POLR1D: variants seen among roughly 807,000 people sequenced by gnomAD.
POLR1D encodes the protein RNA polymerase I and III subunit D, also known as DNA-directed RNA polymerases I and III subunit RPAC2.
POLR1D carries 8 observed loss-of-function variants against 10.8 expected under a neutral mutation model. The ratio of observed to expected loss-of-function variants is 0.74; its 90% confidence interval spans 0.43 to 1.33. POLR1D has a LOEUF of 1.33. Among genes scored for constraint, POLR1D ranks in the 40% most tolerant of loss-of-function variants. The probability of loss-of-function intolerance (pLI) is 0.01; values close to 1 mark genes in which losing one functional copy is unlikely to be tolerated. For missense variants in POLR1D, 152 were observed against 161.7 expected (o/e 0.94, Z 0.32); for synonymous variants, 54 against 57.2 (o/e 0.94, Z 0.25).
downstream of POLR1D, among the ~76,000 whole-genome samples, chr13:27,624,099 C>T (rs187741697): frequency 2.7e-4 from 41 of 152,234 alleles, no homozygotes; most frequent in Admixed American, 1.8e-3. Context: ...ATATCCCACC[C>T]GCCAGTGCTC....
At chr13:27,631,696 G>A (rs1956074923) in intron 1 of POLR1D, among the ~76,000 whole-genome samples, 1 of 152,050 alleles carries the variant, frequency 6.6e-6, no homozygotes, top group Admixed American at 6.5e-5. Flanking sequence ...TGGCGGCAAG[G>A]GCTTTGTCCT....
chr13:27,627,448 G>A (rs193157305), downstream of POLR1D, among the ~76,000 whole-genome samples: 3 of 152,198 alleles, frequency 2.0e-5, no homozygotes, highest in East Asian at 5.8e-4. Context: ...TTTTGGAGAA[G>A]GCAGACAAGA....
chr13:27,637,933 AT>A lies in POLR1D; in HGVS notation c.27-10436del, dbSNP rs201213808. ...AGCATGTGCCACCACACTGGCATAA[AT>A]TTTTTTTTTGTATAGTATATTTTTG... is the stretch of plus-strand genomic sequence containing the variant. On this transcript the variant is annotated intron_variant, in intron 1 of 2. Coordinates refer to the POLR1D transcript ENST00000399697. 2.2e-3 allele frequency among the ~76,000 whole-genome samples: 335 copies of A among 150,800 alleles called. 1 individual carries two copies. The highest frequency in any genetic ancestry group is 0.017 in the East Asian group (88 of 5,164).
At chr13:27,661,399 A>G (rs1411174922) in intron 2 of POLR1D, among the ~76,000 whole-genome samples, 2 of 152,202 alleles carry the variant, frequency 1.3e-5, no homozygotes, top group Non-Finnish European at 2.9e-5. Flanking sequence ...ACAAAAATAA[A>G]CTAAATATAA....
At chr13:27,637,250 C>G (rs1031702894) in intron 1 of POLR1D, among the ~76,000 whole-genome samples, 2 of 152,140 alleles carry the variant, frequency 1.3e-5, no homozygotes, top group African/African-American at 4.8e-5. Context: ...GGGTTTTTCT[C>G]CATACTATAG....
At chr13:27,622,152 G>T (rs938971036) in intron 1 of POLR1D, 143 bp downstream of exon 1, 1 of 729,816 alleles carries the variant, frequency 1.4e-6, no homozygotes, top group Non-Finnish European at 2.4e-6. Flanking sequence ...GAGGAGACAT[G>T]AATGTGTTTC....
Position 27,622,956 on chromosome 13 carries a change from T to TGTC in POLR1D, c.108_109insGTC (p.Asp36_Arg37insVal). 6.2e-7 allele frequency: 1 copy of TGTC among 1,613,776 alleles called. No individual in the cohort carries two copies. The highest frequency in any genetic ancestry group is 1.1e-5 in the South Asian group (1 of 91,078). On this transcript the variant is annotated inframe_insertion, in exon 2 of 2. Coordinates refer to ENST00000302979, the MANE Select transcript of POLR1D (RefSeq NM_015972.4). The stretch of plus-strand genomic sequence containing the variant: ...AAATGGTCCAGGCAGCTGGAACAGA[T>TGTC]AGACACTGTGTGACATTTGTATTGC...
chr13:27,665,912 A>G (rs779645216), exon 3 of POLR1D: 13 of 1,614,214 alleles, frequency 8.1e-6, no homozygotes, highest in Non-Finnish European at 1.1e-5. Flanking sequence ...ACGAAAGCGG[A>G]GCAGCCAGGA....
intron 2 of POLR1D, among the ~76,000 whole-genome samples, chr13:27,653,299 G>A (rs1389138069): frequency 2.6e-5 from 4 of 152,006 alleles, no homozygotes; most frequent in Admixed American, 6.6e-5. Flanking sequence ...TTCATAGGCA[G>A]TTGCGTGGCA....
chr13:27,657,977 C>CAA (rs1316329069), intron 2 of POLR1D, among the ~76,000 whole-genome samples: 1 of 152,206 alleles, frequency 6.6e-6, no homozygotes, highest in Non-Finnish European at 1.5e-5. Flanking sequence ...AGTGCTGGGA[C>CAA]AAAGGGCACC....
chr13:27,621,323 C>G (rs927839373), upstream of POLR1D: 1 of 152,378 alleles, frequency 6.6e-6, no homozygotes, highest in African/African-American at 2.4e-5. Context: ...CTTTCTTGCC[C>G]TATTTTGACC....
chr13:27,639,523 A>C (rs1296034690), intron 1 of POLR1D, among the ~76,000 whole-genome samples: 52 of 152,218 alleles, frequency 3.4e-4, no homozygotes, highest in Admixed American at 3.4e-3. Flanking sequence ...CTCAGGTTTT[A>C]TAATATGAAT....
At chr13:27,656,481 G>T (rs1336247751) in intron 2 of POLR1D, among the ~76,000 whole-genome samples, 1 of 150,786 alleles carries the variant, frequency 6.6e-6, no homozygotes, top group Non-Finnish European at 1.5e-5. Context: ...TAAACAGAAT[G>T]ACAAAGATTC....
At chr13:27,664,977 T>C (rs1956400904) in intron 2 of POLR1D, 1 of 152,470 alleles carries the variant, frequency 6.6e-6, no homozygotes, top group Middle Eastern at 3.4e-3. Context: ...ACATAGTATA[T>C]AAGTAGATCT....
Position 27,663,936 on chromosome 13 carries a change from C to T in POLR1D, c.102-1750C>T, listed in dbSNP as rs1368167325. On this transcript the variant is annotated intron_variant, in intron 2 of 2. Transcript: ENST00000399697. This position sits in a 1 kb window ranked among gnomAD's most constrained non-coding sequence, Gnocchi z 4.1. The stretch of plus-strand genomic sequence containing the variant: ...CCAGGCCACCATTGCCAAAGACAGG[C>T]CCTCTAAGCTTTTTACTCTCTGTGA... 6.6e-6 allele frequency among the ~76,000 whole-genome samples: 1 copy of T among 152,288 alleles called. No homozygotes were observed. Among genetic ancestry groups the T allele is most frequent in the African/African-American group, 2.4e-5 (1 of 41,564 alleles).
rs188886669 is a variant in POLR1D, at chr13:27,666,003, G to A, written c.*50G>A. ...CTGCGGGCCTCCGTGCTCCTTCGGG[G>A]TGCGGTGTGCGGAGAAGGCCTGAGC... On this transcript the variant is annotated 3_prime_UTR_variant, in exon 3 of 3. Coordinates refer to the POLR1D transcript ENST00000399697. 9 of 1,558,002 alleles carry A rather than the reference G, an allele frequency of 5.8e-6. No homozygotes were observed. In the African/African-American group the frequency reaches 6.8e-5, roughly 12 times the overall value.
intron 2 of POLR1D, among the ~76,000 whole-genome samples, chr13:27,653,806 T>A (rs562854350): frequency 4.6e-5 from 7 of 152,316 alleles, no homozygotes; most frequent in Non-Finnish European, 8.8e-5. Context: ...TTTGGAAACC[T>A]CTTTGATGTC....
chr13:27,665,678 C>G, intron 2 of POLR1D: 1 of 1,613,190 alleles, frequency 6.2e-7, no homozygotes, highest in Non-Finnish European at 8.5e-7. Context: ...TTCTCCTCCC[C>G]ACCCCAGGAT....
chr13:27,625,922 C>T (rs1956004195), downstream of POLR1D, among the ~76,000 whole-genome samples: 1 of 152,102 alleles, frequency 6.6e-6, no homozygotes, highest in South Asian at 2.1e-4. Context: ...GTAAACATTA[C>T]CACTCATTAT....
Sources: allele counts gnomAD v4.1 joint callset (sites outside exome capture counted in the v4.1 genomes callset), GRCh38; gene constraint gnomAD v4.1.1; non-coding constraint Gnocchi (gnomAD v3.1); transcripts MANE v1.5; gene names NCBI Gene and HGNC (gene_info 2026-07-23, HGNC 2026-07-21).